TNIK: variants seen among roughly 807,000 people sequenced by gnomAD.
TNIK encodes the protein TRAF2 and NCK interacting kinase, also known as TRAF2 and NCK-interacting protein kinase.
TNIK carries 49 observed loss-of-function variants against 191.3 expected under a neutral mutation model. That is an observed-to-expected ratio of 0.26 (90% CI 0.20 to 0.32). The LOEUF is 0.32. Among genes scored for constraint, TNIK ranks in the 10% least tolerant of loss-of-function variants. The pLI is 1.00. For missense variants in TNIK, 1,155 were observed against 1,702.3 expected, an observed-to-expected ratio of 0.68 and a Z score of 5.66; for synonymous variants, 594 against 600.9, an observed-to-expected ratio of 0.99 and a Z score of 0.17.
intron 2 of TNIK, among the ~76,000 whole-genome samples, chr3:171,291,051 T>C (rs899271287): frequency 1.3e-5 from 2 of 152,342 alleles, no homozygotes; most frequent in Admixed American, 6.5e-5. Context: ...AGTGTTGTTT[T>C]AGAGGATATA....
Position 171,290,345 on chromosome 3 carries a change from C to G in TNIK, c.124-62124G>C, listed in dbSNP as rs538743308. Reference sequence around the variant, plus strand: ...GCCAACCCAGATTTGAATCCTACCACCATCATTAACTACAGAGAGGGTTAT... The same window carrying G: ...GCCAACCCAGATTTGAATCCTACCAGCATCATTAACTACAGAGAGGGTTAT... On this transcript the variant is annotated intron_variant, in intron 2 of 32. Coordinates refer to ENST00000436636, the MANE Select transcript of TNIK (RefSeq NM_015028.4). Among the ~76,000 whole-genome samples the G allele has an allele frequency of 2.6e-5, 4 of 152,248 alleles. No individual in the cohort carries two copies. In the South Asian group the frequency reaches 8.3e-4, roughly 32 times the overall value.
intron 1 of TNIK, among the ~76,000 whole-genome samples, chr3:171,408,720 C>A (rs1353573228): frequency 2.6e-5 from 4 of 152,176 alleles, no homozygotes. Context: ...ACCAGACATA[C>A]AACACAAACC....
At chr3:171,227,241 T>C (rs564944956) in intron 3 of TNIK, among the ~76,000 whole-genome samples, 1 of 152,322 alleles carries the variant, frequency 6.6e-6, no homozygotes, top group African/African-American at 2.4e-5. Flanking sequence ...GTATTTAAAA[T>C]AAAATCTATT....
intron 12 of TNIK, among the ~76,000 whole-genome samples, chr3:171,144,961 T>A (rs977589449): frequency 1.3e-5 from 2 of 152,250 alleles, no homozygotes; most frequent in African/African-American, 4.8e-5. Context: ...GGATGAATAG[T>A]ACTTCATTGT....
chr3:171,322,750 A>G (rs1755295077), intron 2 of TNIK, among the ~76,000 whole-genome samples: 1 of 152,110 alleles, frequency 6.6e-6, no homozygotes, highest in Non-Finnish European at 1.5e-5. Flanking sequence ...TATAAGGCTG[A>G]TAAAATGAAA....
At chr3:171,264,351 C>CAT (rs1321971912) in intron 2 of TNIK, among the ~76,000 whole-genome samples, 62 of 151,240 alleles carry the variant, frequency 4.1e-4, no homozygotes, top group African/African-American at 1.0e-3. Context: ...CACACACACA[C>CAT]ATATATATAT....
intron 4 of TNIK, among the ~76,000 whole-genome samples, chr3:171,198,415 G>C (rs1286482770): frequency 6.6e-6 from 1 of 152,110 alleles, no homozygotes; most frequent in African/African-American, 2.4e-5. Flanking sequence ...ACTACTTAAT[G>C]GGTACACAGT....
At chr3:171,342,881 G>A (rs187350153) in intron 2 of TNIK, among the ~76,000 whole-genome samples, 10 of 152,202 alleles carry the variant, frequency 6.6e-5, no homozygotes, top group Admixed American at 5.9e-4. Context: ...TTTTTCCCAT[G>A]CTGTTCTTGT....
intron 21 of TNIK, among the ~76,000 whole-genome samples, chr3:171,105,348 C>G (rs907296449): frequency 8.5e-5 from 13 of 152,190 alleles, no homozygotes; most frequent in Non-Finnish European, 1.6e-4. Context: ...CCCCTCTGCT[C>G]TATCCACAAG....
chr3:171,455,637 A>T (rs892010753), intron 1 of TNIK, among the ~76,000 whole-genome samples: 1 of 152,220 alleles, frequency 6.6e-6, no homozygotes, highest in African/African-American at 2.4e-5. Flanking sequence ...GCATATTTGT[A>T]CAGTGCTGTA....
intron 2 of TNIK, among the ~76,000 whole-genome samples, chr3:171,309,437 ACTAT>A (rs1228467257): frequency 1.3e-5 from 2 of 152,240 alleles, no homozygotes; most frequent in South Asian, 2.1e-4. Flanking sequence ...GGATCAAACA[ACTAT>A]CTATCATGTA....
At chr3:171,289,628 G>A (rs927409165) in intron 2 of TNIK, among the ~76,000 whole-genome samples, 1 of 152,216 alleles carries the variant, frequency 6.6e-6, no homozygotes, top group African/African-American at 2.4e-5. Context: ...GGCTGGTTGA[G>A]CTAGGTGGCT....
intron 24 of TNIK, 77 bp from the exon 25 acceptor site, chr3:171,085,306 G>A (rs78115753): frequency 0.08 from 107,636 of 1,339,494 alleles, 4,656 homozygotes; most frequent in Middle Eastern, 0.098. Context: ...CTGTGCTTGG[G>A]CTGTAAAACG....
intron 21 of TNIK, among the ~76,000 whole-genome samples, chr3:171,104,692 GTTTAAAAAT>G (rs890700243): frequency 1.3e-5 from 2 of 151,660 alleles, no homozygotes; most frequent in African/African-American, 4.9e-5. Flanking sequence ...TTGAACTATT[GTTTAAAAAT>G]TTTTAGCTTT....
intron 2 of TNIK, among the ~76,000 whole-genome samples, chr3:171,304,974 GT>G (rs1199700384): frequency 6.9e-6 from 1 of 145,484 alleles, no homozygotes; most frequent in African/African-American, 2.6e-5. Flanking sequence ...AAACCTGCAC[GT>G]TGTGTACATG....
intron 2 of TNIK, among the ~76,000 whole-genome samples, chr3:171,301,442 G>C (rs1188001420): frequency 6.6e-6 from 1 of 151,722 alleles, no homozygotes; most frequent in Non-Finnish European, 1.5e-5. Context: ...AGCCTCCCGA[G>C]TAGCTGGGAC....
chr3:171,060,643 C>A lies in TNIK; in HGVS notation c.*3238G>T, dbSNP rs1421136147. On this transcript the variant is annotated 3_prime_UTR_variant, in exon 33 of 33. Transcript: ENST00000436636. Reference sequence around the variant, plus strand: ...AATTTTATGTGGAACTTAGTGAAGGCTGTCTTCATTTGCATTGTGTGTTAT... The same window carrying A: ...AATTTTATGTGGAACTTAGTGAAGGATGTCTTCATTTGCATTGTGTGTTAT... 6.6e-6 allele frequency among the ~76,000 whole-genome samples: 1 copy of A among 152,164 alleles called. No individual in the cohort carries two copies. Among genetic ancestry groups the A allele is most frequent in the Non-Finnish European group, 1.5e-5 (1 of 68,030 alleles).
Position 171,441,621 on chromosome 3 carries a change from T to C in TNIK, c.57+18386A>G, listed in dbSNP as rs192787364. Among the ~76,000 whole-genome samples the C allele has an allele frequency of 7.2e-5, 11 of 152,344 alleles. No individual in the cohort carries two copies. The East Asian group carries it at 1.7e-3, about 24-fold the overall frequency. Reference sequence around the variant, plus strand: ...GAATGATGCTCCTCATGAACACTCCTGTACAAGTTTCTGTGTGGACCTATG... The same window carrying C: ...GAATGATGCTCCTCATGAACACTCCCGTACAAGTTTCTGTGTGGACCTATG... On this transcript the variant is annotated intron_variant, in intron 1 of 32. Transcript: ENST00000436636.
At chr3:171,383,951 A>G (rs1718401147) in intron 1 of TNIK, among the ~76,000 whole-genome samples, 1 of 152,130 alleles carries the variant, frequency 6.6e-6, no homozygotes, top group Non-Finnish European at 1.5e-5. Flanking sequence ...ATCCAACCTC[A>G]GCCTCCCTTT....
Sources: gnomAD v4.1 joint callset for allele counts (sites outside exome capture counted in the v4.1 genomes callset) on GRCh38, gnomAD v4.1.1 for gene constraint, MANE v1.5 for transcripts, NCBI Gene and HGNC (gene_info 2026-07-23, HGNC 2026-07-21) for gene names.